The following PLCB4 variants were observed in gnomAD, a reference collection of about 807,000 sequenced individuals.
PLCB4 encodes the protein phospholipase C beta 4.
PLCB4 carries 77 observed loss-of-function variants against 178.8 expected under a neutral mutation model. The observed-to-expected ratio is 0.43, with a 90% confidence interval of 0.36 to 0.52. The LOEUF is 0.52. Among genes scored for constraint, PLCB4 ranks in the 20% least tolerant of loss-of-function variants. PLCB4 has a pLI of 0.00. For synonymous variants in PLCB4, 496 were observed against 490.8 expected, an observed-to-expected ratio of 1.01 and a Z score of -0.14; for missense variants, 1,024 against 1,453.4, an observed-to-expected ratio of 0.70 and a Z score of 4.80.
chr20:9,259,728 C>A (rs1394696411), intron 3 of PLCB4, among the ~76,000 whole-genome samples: 1 of 151,846 alleles, frequency 6.6e-6, no homozygotes, highest in Non-Finnish European at 1.5e-5. Flanking sequence ...GGTTATTGAG[C>A]CACTGAAAGG....
At chr20:9,173,644 T>C (rs1336628511) in intron 2 of PLCB4, among the ~76,000 whole-genome samples, 1 of 152,186 alleles carries the variant, frequency 6.6e-6, no homozygotes, top group Non-Finnish European at 1.5e-5. Flanking sequence ...GCTGAATCCC[T>C]CTGAACTCTG....
At chr20:9,427,490 C>G (rs1051275095) in intron 28 of PLCB4, among the ~76,000 whole-genome samples, 2 of 152,130 alleles carry the variant, frequency 1.3e-5, no homozygotes, top group Non-Finnish European at 1.5e-5. Flanking sequence ...CTTTTACTCC[C>G]TCTGTCATAC....
chr20:9,375,608 T>C (rs4141984), intron 12 of PLCB4, among the ~76,000 whole-genome samples: 15,111 of 152,168 alleles, frequency 0.099, 1,830 homozygotes, highest in African/African-American at 0.28. Context: ...CCTTTGAGTA[T>C]GATACGATGT....
At chr20:9,175,937 G>A (rs886882198) in intron 2 of PLCB4, among the ~76,000 whole-genome samples, 1 of 152,128 alleles carries the variant, frequency 6.6e-6, no homozygotes, top group Non-Finnish European at 1.5e-5. Flanking sequence ...CTTAGCAAAT[G>A]TGTACACCAC....
chr20:9,284,290 C>T lies in PLCB4; in HGVS notation c.-15-23510C>T, dbSNP rs1372817279. Among the ~76,000 whole-genome samples the T allele has an allele frequency of 2.0e-5, 3 of 151,824 alleles. No homozygotes were observed. The East Asian group carries it at 5.8e-4, about 29-fold the overall frequency. ...ATGCCGATATTTAGGGAAGAATGGTCTAAACTGAGGTAATGGTAAATGCAA... is the reference window on the plus strand; with the variant it reads ...ATGCCGATATTTAGGGAAGAATGGTTTAAACTGAGGTAATGGTAAATGCAA... On this transcript the variant is annotated intron_variant, in intron 3 of 39. Transcript: ENST00000378473.
At chr20:9,467,348 A>G (rs2043860754) in intron 35 of PLCB4, among the ~76,000 whole-genome samples, 1 of 152,242 alleles carries the variant, frequency 6.6e-6, no homozygotes, top group Non-Finnish European at 1.5e-5. Flanking sequence ...TGATGGGTGC[A>G]GCAAACCAAC....
intron 3 of PLCB4, among the ~76,000 whole-genome samples, chr20:9,265,541 A>G (rs775596586): frequency 3.3e-5 from 5 of 152,130 alleles, no homozygotes; most frequent in Non-Finnish European, 7.4e-5. Context: ...GTTATGTGGT[A>G]TAGGGGCAAG....
chr20:9,220,996 ACATTCATGCATGC>A (rs530783223), intron 3 of PLCB4, among the ~76,000 whole-genome samples: 4 of 152,316 alleles, frequency 2.6e-5, no homozygotes, highest in South Asian at 4.1e-4. Context: ...TTCTTAGAGC[ACATTCATGCATGC>A]CAAGAGTCGT....
chr20:9,332,554 G>T (rs1187323430), intron 4 of PLCB4, among the ~76,000 whole-genome samples: 1 of 151,664 alleles, frequency 6.6e-6, no homozygotes, highest in Non-Finnish European at 1.5e-5. Context: ...TGTGGGTTTT[G>T]TCGTGAGCCT....
At position 9,395,653 on chromosome 20, in the gene PLCB4, T is replaced by C. The variant is rs1200501603; in HGVS notation, c.1510+35T>C. On this transcript the variant is annotated intron_variant, in intron 19 of 39. Transcript: ENST00000378473. ...TTGCTTTTATTTTAAGTTACATGCT[T>C]TGAAAATACTTTTTAAATAAGAAAA... The C allele has an allele frequency of 4.9e-6, 7 of 1,432,132 alleles. No homozygotes were observed. In the African/African-American group the frequency reaches 9.8e-5, roughly 20 times the overall value. 88.7% of individuals were successfully genotyped at this position (1,432,132 alleles called of 1,614,324 possible).
chr20:9,071,168 G>T (rs1346029123), intron 1 of PLCB4, among the ~76,000 whole-genome samples: 2 of 152,142 alleles, frequency 1.3e-5, no homozygotes, highest in African/African-American at 4.8e-5. Flanking sequence ...TGCAGGAAAA[G>T]ATTTTAAAAA....
At chr20:9,263,903 AG>A (rs1325361783) in intron 3 of PLCB4, among the ~76,000 whole-genome samples, 1 of 152,216 alleles carries the variant, frequency 6.6e-6, no homozygotes, top group Non-Finnish European at 1.5e-5. Flanking sequence ...CCAAAAGGCA[AG>A]TATCAGCAAG....
chr20:9,399,075 A>G (rs2038829988), intron 19 of PLCB4, among the ~76,000 whole-genome samples: 1 of 152,222 alleles, frequency 6.6e-6, no homozygotes, highest in Admixed American at 6.5e-5. Flanking sequence ...AGTCATCTGA[A>G]ATTAGCATCT....
chr20:9,478,792 A>C (rs1245254114), intron 39 of PLCB4, 129 bp from the exon 40 acceptor site: 2 of 707,324 alleles, frequency 2.8e-6, no homozygotes, highest in African/African-American at 3.5e-5. Flanking sequence ...CTGCTTGTAC[A>C]TGGACCATAT....
At chr20:9,192,358 G>C (rs1158995787) in intron 2 of PLCB4, among the ~76,000 whole-genome samples, 1 of 152,072 alleles carries the variant, frequency 6.6e-6, no homozygotes, top group African/African-American at 2.4e-5. Flanking sequence ...TCAGTGCCAA[G>C]GGAGGTTTCT....
chr20:9,074,780 T>A, intron 1 of PLCB4, among the ~76,000 whole-genome samples: 1 of 142,560 alleles, frequency 7.0e-6, no homozygotes, highest in South Asian at 2.3e-4. Flanking sequence ...GGTATCTGTC[T>A]CCCAGCTAGG....
chr20:9,406,820 T>A (rs1239495294), intron 21 of PLCB4, among the ~76,000 whole-genome samples: 2 of 152,210 alleles, frequency 1.3e-5, no homozygotes, highest in African/African-American at 4.8e-5. Context: ...ACTCATGGAT[T>A]ACATCATCCA....
intron 2 of PLCB4, among the ~76,000 whole-genome samples, chr20:9,212,470 A>C (rs545699280): frequency 1.3e-5 from 2 of 152,332 alleles, no homozygotes; most frequent in East Asian, 3.9e-4. Context: ...AGGCATGGCA[A>C]TGTCACCTTT....
intron 12 of PLCB4, among the ~76,000 whole-genome samples, chr20:9,377,817 A>G (rs1983571): frequency 0.063 from 9,528 of 152,240 alleles, 341 homozygotes; most frequent in African/African-American, 0.08. Context: ...TGTGAGACTT[A>G]GGTACTTTTC....
Sources: gnomAD v4.1 joint callset for allele counts (sites outside exome capture counted in the v4.1 genomes callset) on GRCh38, gnomAD v4.1.1 for gene constraint, MANE v1.5 for transcripts, NCBI Gene and HGNC (gene_info 2026-07-23, HGNC 2026-07-21) for gene names.